Variants in DYM observed in about 807,000 individuals in gnomAD.
The protein encoded by DYM is dymeclin.
In DYM, 78 loss-of-function variants were observed where a neutral mutation model predicts 93.1. The observed-to-expected ratio is 0.84, with a 90% CI of 0.70 to 1.01. The LOEUF (loss-of-function observed/expected upper bound fraction) is 1.01. Among genes scored for constraint, DYM ranks in the 50% least tolerant of loss-of-function variants. The pLI is 0.00. For synonymous variants in DYM, 321 were observed against 319.7 expected (o/e 1.00, Z -0.04); for missense variants, 789 against 845.0 (o/e 0.93, Z 0.82).
chr18:49,451,953 T>C (rs528407585), intron 1 of DYM, among the ~76,000 whole-genome samples: 1 of 152,320 alleles, frequency 6.6e-6, no homozygotes, highest in African/African-American at 2.4e-5. Flanking sequence ...TCTGGATACC[T>C]TGGCAAATAA....
chr18:49,398,320 AC>A (rs1453961853), intron 2 of DYM, among the ~76,000 whole-genome samples: 1 of 151,870 alleles, frequency 6.6e-6, no homozygotes, highest in Non-Finnish European at 1.5e-5. Flanking sequence ...CTATCTTCCC[AC>A]CTACTTTTCG....
chr18:49,452,791 G>C (rs2082638543), intron 1 of DYM, among the ~76,000 whole-genome samples: 1 of 135,604 alleles, frequency 7.4e-6, no homozygotes, highest in African/African-American at 2.9e-5. Context: ...CCCTGGTGCA[G>C]GATCCACCAG....
At chr18:49,160,575 T>G (rs1271909243) in intron 15 of DYM, among the ~76,000 whole-genome samples, 2 of 23,482 alleles carry the variant, frequency 8.5e-5, no homozygotes, top group East Asian at 7.7e-4. Context: ...AGACTCTGTC[T>G]CAAAAAAAAA....
At chr18:49,312,611 T>G (rs1309790873) in intron 8 of DYM, among the ~76,000 whole-genome samples, 3 of 152,170 alleles carry the variant, frequency 2.0e-5, no homozygotes, top group African/African-American at 7.2e-5. Context: ...AAAATTCTTC[T>G]CTGCCCTCCG....
chr18:49,353,800 T>C (rs1568304223), intron 6 of DYM, among the ~76,000 whole-genome samples: 2 of 152,000 alleles, frequency 1.3e-5, no homozygotes, highest in African/African-American at 4.8e-5. Flanking sequence ...TAGAAAGATA[T>C]TCTATATTCA....
intron 16 of DYM, among the ~76,000 whole-genome samples, chr18:49,106,307 G>A (rs558149682): frequency 6.6e-5 from 10 of 152,220 alleles, no homozygotes; most frequent in East Asian, 1.9e-4. Flanking sequence ...GTCTCTGCAT[G>A]TGAGATGGGT....
intron 15 of DYM, among the ~76,000 whole-genome samples, chr18:49,136,178 T>C (rs2083829089): frequency 6.6e-6 from 1 of 152,212 alleles, no homozygotes; most frequent in Non-Finnish European, 1.5e-5. Context: ...TTGCAATTTA[T>C]TTCCTGTGGC....
rs182472481 is a variant in DYM, at chr18:49,322,597, T to C, written c.763+9267A>G. Reference sequence around the variant, plus strand: ...ATCATCTACCTGAATCTCTATTATATATTTATTGTATACATTATTATATGT... The same window carrying C: ...ATCATCTACCTGAATCTCTATTATACATTTATTGTATACATTATTATATGT... On this transcript the variant is annotated intron_variant, in intron 8 of 17. Coordinates refer to ENST00000675505, the MANE Select transcript of DYM (RefSeq NM_001353214.3). 1.2e-4 allele frequency among the ~76,000 whole-genome samples: 19 copies of C among 152,102 alleles called. No individual in the cohort carries two copies. The East Asian group carries it at 3.3e-3, about 26-fold the overall frequency.
chr18:49,376,920 G>A (rs2067554957), intron 5 of DYM, among the ~76,000 whole-genome samples: 1 of 152,156 alleles, frequency 6.6e-6, no homozygotes, highest in African/African-American at 2.4e-5. Context: ...TCCTGATCTT[G>A]AAAGAGGCCA....
At chr18:49,435,979 A>G (rs2080828055) in intron 1 of DYM, among the ~76,000 whole-genome samples, 1 of 152,156 alleles carries the variant, frequency 6.6e-6, no homozygotes, top group Non-Finnish European at 1.5e-5. Flanking sequence ...CTATTACAGA[A>G]TGTTCTTTCA....
chr18:49,359,078 G>A (rs1021867291), intron 6 of DYM, among the ~76,000 whole-genome samples: 6 of 152,068 alleles, frequency 3.9e-5, no homozygotes, highest in African/African-American at 1.2e-4. Context: ...CACAAATTCC[G>A]AGCGCTGGGC....
chr18:49,150,341 G>A (rs1405102800), intron 15 of DYM, among the ~76,000 whole-genome samples: 3 of 152,184 alleles, frequency 2.0e-5, no homozygotes, highest in Admixed American at 6.5e-5. Flanking sequence ...AATGATATTT[G>A]GAGAGGGGGT....
chr18:49,420,863 T>C lies in DYM; in HGVS notation c.140+9392A>G, dbSNP rs562761069. On this transcript the variant is annotated intron_variant, in intron 2 of 17. Coordinates refer to ENST00000675505, the MANE Select transcript of DYM (RefSeq NM_001353214.3). ...TAGCAAACGGCACATCAGGAGATTA[T>C]ATCCCACGCCTGGCTCGGAGGGTCC... 3.5e-4 allele frequency among the ~76,000 whole-genome samples: 53 copies of C among 152,222 alleles called. 1 individual carries two copies. In the South Asian group the frequency reaches 9.7e-3, roughly 28 times the overall value.
At chr18:49,083,649 A>AT (rs2078246581) in intron 17 of DYM, among the ~76,000 whole-genome samples, 1 of 152,202 alleles carries the variant, frequency 6.6e-6, no homozygotes, top group Non-Finnish European at 1.5e-5. Flanking sequence ...TTATGGGAAG[A>AT]TTTTAATTAC....
intron 13 of DYM, among the ~76,000 whole-genome samples, chr18:49,245,006 T>C (rs1180470128): frequency 6.6e-6 from 1 of 152,186 alleles, no homozygotes; most frequent in Non-Finnish European, 1.5e-5. Flanking sequence ...TTCATGGACA[T>C]TTATTACTTC....
At position 49,378,710 on chromosome 18, in the gene DYM, C is replaced by T. The variant is rs557407004; in HGVS notation, c.288-10G>A. ...CCAAATGAAGATGTGGCTAGAAAGACCAAAATCATACAAGAATCAATATTT... is the reference window on the plus strand; with the variant it reads ...CCAAATGAAGATGTGGCTAGAAAGATCAAAATCATACAAGAATCAATATTT... On this transcript the variant is annotated splice_polypyrimidine_tract_variant and intron_variant, in intron 4 of 17. Transcript: ENST00000675505. 2.5e-4 allele frequency: 406 copies of T among 1,612,172 alleles called. 5 individuals carry two copies. The South Asian group carries it at 3.6e-3, about 14-fold the overall frequency.
At chr18:49,050,843 A>T (rs2072345726) in intron 17 of DYM, among the ~76,000 whole-genome samples, 1 of 152,154 alleles carries the variant, frequency 6.6e-6, no homozygotes. Flanking sequence ...TAGAACAAAC[A>T]TCGGTTCTAA....
chr18:49,316,417 G>T (rs1568233239), intron 8 of DYM, among the ~76,000 whole-genome samples: 1 of 152,080 alleles, frequency 6.6e-6, no homozygotes, highest in African/African-American at 2.4e-5. Context: ...AAATGCCCCA[G>T]AACTAATATA....
chr18:49,170,780 CAAAAAAAAA>C (rs34297501), intron 14 of DYM, among the ~76,000 whole-genome samples: 9 of 31,238 alleles, frequency 2.9e-4, no homozygotes, highest in South Asian at 1.6e-3. Flanking sequence ...GACTCCGTCT[CAAAAAAAAA>C]AAAAAAAAAA....
Sources: allele counts gnomAD v4.1 joint callset (sites outside exome capture counted in the v4.1 genomes callset), GRCh38; gene constraint gnomAD v4.1.1; transcripts MANE v1.5; gene names NCBI Gene and HGNC (gene_info 2026-07-23, HGNC 2026-07-21).